Variants in ARSJ observed in about 807,000 individuals in gnomAD.
ARSJ encodes the protein arylsulfatase family member J, also known as arylsulfatase J.
A neutral mutation model predicts 35.9 loss-of-function variants in ARSJ; 26 were observed. The observed-to-expected ratio is 0.72, with a 90% CI of 0.53 to 1.00. The LOEUF (loss-of-function observed/expected upper bound fraction) is 1.00. Among genes scored for constraint, ARSJ ranks in the 50% least tolerant of loss-of-function variants. The pLI is 0.00. For synonymous variants in ARSJ, 294 were observed against 267.6 expected (o/e 1.10, Z -0.96); for missense variants, 667 against 723.6 (o/e 0.92, Z 0.90).
intron 1 of ARSJ, among the ~76,000 whole-genome samples, chr4:113,960,008 T>C (rs748974594): frequency 1.3e-5 from 2 of 152,114 alleles, no homozygotes; most frequent in Non-Finnish European, 2.9e-5. Context: ...GAATTATTGT[T>C]CTCTTTCCAT....
intron 1 of ARSJ, among the ~76,000 whole-genome samples, chr4:113,924,076 A>AATATATATATATATATATATAT (rs1164333093): frequency 2.1e-5 from 2 of 95,748 alleles, no homozygotes; most frequent in South Asian, 2.9e-4. Flanking sequence ...AATATATATA[A>AATATATATATATATATATATAT]ATATATATAT....
Position 113,978,459 on chromosome 4 carries a change from T to G in ARSJ, c.376A>C (p.Arg126=). 6.2e-7 allele frequency: 1 copy of G among 1,612,416 alleles called. No individual in the cohort carries two copies. The change falls in exon 1 of 2, where the codon AGG becomes CGG. Residue 126 remains arginine, a synonymous_variant. Coordinates refer to ENST00000315366, the MANE Select transcript of ARSJ (RefSeq NM_024590.4). The part of the protein sequence containing the change: ...YYVQPICTPS[R]SQFITGKYQI... ...TACTTTCCAGTAATAAACTGACTCC[T>G]GGATGGTGTGCAAATAGGCTGGACA...
At chr4:113,935,802 G>T (rs1246835981) in intron 1 of ARSJ, among the ~76,000 whole-genome samples, 2 of 151,872 alleles carry the variant, frequency 1.3e-5, no homozygotes, top group Non-Finnish European at 2.9e-5. Context: ...GTATTCCAAG[G>T]GAGAATCTGA....
intron 1 of ARSJ, among the ~76,000 whole-genome samples, chr4:113,926,615 A>C (rs1724085434): frequency 1.3e-5 from 2 of 152,128 alleles, no homozygotes; most frequent in Non-Finnish European, 2.9e-5. Context: ...CCACTTCCTC[A>C]TATAACTTAC....
At chr4:113,941,709 T>C (rs897094105) in intron 1 of ARSJ, among the ~76,000 whole-genome samples, 2 of 152,048 alleles carry the variant, frequency 1.3e-5, no homozygotes, top group African/African-American at 4.8e-5. Flanking sequence ...AATTAAATTA[T>C]GATCTAGATA....
chr4:113,967,590 G>A (rs995070544), intron 1 of ARSJ, among the ~76,000 whole-genome samples: 1 of 152,082 alleles, frequency 6.6e-6, no homozygotes, highest in Non-Finnish European at 1.5e-5. Context: ...AGACATAGGT[G>A]TACAATCCTA....
intron 1 of ARSJ, among the ~76,000 whole-genome samples, chr4:113,968,162 A>AT (rs1727013228): frequency 6.6e-6 from 1 of 152,316 alleles, no homozygotes; most frequent in East Asian, 1.9e-4. Flanking sequence ...ATGAGGTACT[A>AT]TAATGATCAT....
At chr4:113,942,076 G>A in intron 1 of ARSJ, among the ~76,000 whole-genome samples, 1 of 151,944 alleles carries the variant, frequency 6.6e-6, no homozygotes, top group East Asian at 1.9e-4. Context: ...ATCTTGTTAA[G>A]TAAATGAGGT....
chr4:113,917,930 T>C (rs1395142188), intron 1 of ARSJ, among the ~76,000 whole-genome samples: 1 of 152,180 alleles, frequency 6.6e-6, no homozygotes. Flanking sequence ...TAAATGAGCT[T>C]ATAAATGTGA....
In ARSJ at chr4:113,978,589, TAGGA is replaced by T. The variant is rs780697282; in HGVS notation, c.242_245del (p.Ile81LysfsTer64). The T allele has an allele frequency of 1.9e-6, 3 of 1,614,064 alleles. No individual in the cohort carries two copies. The East Asian group carries it at 6.7e-5, about 36-fold the overall frequency. ...CATCTCTAAATCCCTGATCATCCGC[TAGGA>T]TGAAAATGAGATGGGGCTGGGAGGT... On this transcript the variant is annotated frameshift_variant, in exon 1 of 2. Coordinates refer to ENST00000315366, the MANE Select transcript of ARSJ (RefSeq NM_024590.4). LOFTEE classifies it high-confidence loss of function.
At chr4:113,935,725 A>G (rs1724726939) in intron 1 of ARSJ, among the ~76,000 whole-genome samples, 1 of 151,950 alleles carries the variant, frequency 6.6e-6, no homozygotes, top group South Asian at 2.1e-4. Context: ...TTCAAAAGAA[A>G]AAGGATGTAT....
rs1348884181 is a variant in ARSJ, at chr4:113,939,620, T to G, written c.399-35945A>C. On this transcript the variant is annotated intron_variant, in intron 1 of 1. Coordinates refer to ENST00000315366, the MANE Select transcript of ARSJ (RefSeq NM_024590.4). ...TTGCCATTCTAACTGGTGTGAGATG[T>G]TATCTCATTGTGGTTTTGATTTGCA... Among the ~76,000 whole-genome samples the G allele has an allele frequency of 6.7e-4, 102 of 151,882 alleles. 1 individual carries two copies. The highest frequency in any genetic ancestry group is 1.8e-3 in the African/African-American group (75 of 41,474).
chr4:113,928,964 G>C (rs935937032), intron 1 of ARSJ, among the ~76,000 whole-genome samples: 13 of 152,040 alleles, frequency 8.6e-5, no homozygotes, highest in African/African-American at 2.9e-4. Context: ...TGCTCACAGT[G>C]GGCCATCTTT....
At chr4:113,965,068 T>C (rs768054706) in intron 1 of ARSJ, among the ~76,000 whole-genome samples, 76 of 151,942 alleles carry the variant, frequency 5.0e-4, no homozygotes, top group Non-Finnish European at 7.9e-4. Context: ...AAATGCCTTG[T>C]GGCATCTACA....
chr4:113,959,605 A>AT (rs1257652646), intron 1 of ARSJ, among the ~76,000 whole-genome samples: 1 of 151,980 alleles, frequency 6.6e-6, no homozygotes, highest in Non-Finnish European at 1.5e-5. Flanking sequence ...CTGTTCTATG[A>AT]TTTTTTATTT....
At chr4:113,927,069 A>G (rs1489423313) in intron 1 of ARSJ, among the ~76,000 whole-genome samples, 2 of 152,118 alleles carry the variant, frequency 1.3e-5, no homozygotes, top group African/African-American at 4.8e-5. Context: ...ACCCCACTCA[A>G]ACTGGCAGCC....
At position 113,978,874 on chromosome 4, in the gene ARSJ, G is replaced by C. The variant is rs771297167; in HGVS notation, c.-40C>G. Reference sequence around the variant, plus strand: ...GGTGAGACTCCACGCGGAGAACCACGCGCCCCGCGCCGCTGCGGGCGCACA... The same window carrying C: ...GGTGAGACTCCACGCGGAGAACCACCCGCCCCGCGCCGCTGCGGGCGCACA... On this transcript the variant is annotated 5_prime_UTR_variant, in exon 1 of 2. Coordinates refer to ENST00000315366, the MANE Select transcript of ARSJ (RefSeq NM_024590.4). The C allele has an allele frequency of 6.5e-7, 1 of 1,540,598 alleles. No individual in the cohort carries two copies. The highest frequency in any genetic ancestry group is 8.7e-7 in the Non-Finnish European group (1 of 1,148,000).
Position 113,900,939 on chromosome 4 carries a change from C to T in ARSJ, c.*1335G>A, listed in dbSNP as rs1255544055. On this transcript the variant is annotated 3_prime_UTR_variant, in exon 2 of 2. Transcript: ENST00000315366. ...ACTTTGTATAAGAGTAAGTTTATTACTTTTAATGGGAAAAACCGCAACTAG... is the reference window on the plus strand; with the variant it reads ...ACTTTGTATAAGAGTAAGTTTATTATTTTTAATGGGAAAAACCGCAACTAG... The T allele has an allele frequency of 6.6e-6, 1 of 152,096 alleles. No homozygotes were observed. Among genetic ancestry groups the T allele is most frequent in the African/African-American group, 2.4e-5 (1 of 41,422 alleles). The allele number at this position is 152,096 out of a possible 1,614,324, so 9.4% of individuals were successfully genotyped here. A position where few individuals can be genotyped will look rare whatever the true frequency, so the allele number is the denominator to read the frequency against.
At position 113,934,398 on chromosome 4, in the gene ARSJ, A is replaced by T. The variant is rs576443600; in HGVS notation, c.399-30723T>A. On this transcript the variant is annotated intron_variant, in intron 1 of 1. Transcript: ENST00000315366. The stretch of plus-strand genomic sequence containing the variant: ...TATGTACACACAAGGGATATTATTC[A>T]TCAATAAAAAAGAATTAACTCCTGT... 2.0e-5 allele frequency among the ~76,000 whole-genome samples: 3 copies of T among 152,026 alleles called. No homozygotes were observed. In the South Asian group the frequency reaches 6.2e-4, roughly 31 times the overall value.
Sources: gnomAD v4.1 joint callset for allele counts (sites outside exome capture counted in the v4.1 genomes callset) on GRCh38, gnomAD v4.1.1 for gene constraint, MANE v1.5 for transcripts, NCBI Gene and HGNC (gene_info 2026-07-23, HGNC 2026-07-21) for gene names.